The following GVQW3 variants were observed in gnomAD, a reference collection of about 807,000 sequenced individuals.
The protein encoded by GVQW3 is GVQW motif containing 3, also known as protein GVQW3.
GVQW3 carries 7 observed loss-of-function variants against 12.5 expected under a neutral mutation model. The ratio of observed to expected loss-of-function variants is 0.56; its 90% confidence interval spans 0.32 to 1.05. GVQW3 has a LOEUF of 1.05. Ranked by LOEUF, GVQW3 falls within the 50% of genes least tolerant of loss-of-function variation. GVQW3 has a pLI of 0.04. For synonymous variants in GVQW3, 71 were observed against 67.2 expected (o/e 1.06, Z -0.28); for missense variants, 188 against 190.8 (o/e 0.99, Z 0.09).
chr11:76,403,285 C>T (rs1422369710), intron 1 of GVQW3, among the ~76,000 whole-genome samples: 1 of 152,076 alleles, frequency 6.6e-6, no homozygotes, highest in East Asian at 1.9e-4. Flanking sequence ...TCAAGGTTCT[C>T]CAGAGAAACA....
intron 1 of GVQW3, among the ~76,000 whole-genome samples, chr11:76,393,494 T>C (rs1946911913): frequency 6.6e-6 from 1 of 152,208 alleles, no homozygotes. Context: ...GCTTGGAGTT[T>C]GCTGAAAACT....
Position 76,382,029 on chromosome 11 carries a change from C to G in GVQW3, c.201C>G (p.Val67=). Residue 67 remains valine (V), a synonymous_variant, in exon 1 of 2, where the codon GTC becomes GTG. Coordinates refer to ENST00000529331, the MANE Select transcript of GVQW3 (RefSeq NM_001347885.2). ...VRDDARSGRP[V]THRTDDNIQK... ...ATGATGCCCGAAGTGGGCGTCCAGT[C>G]ACCCACCGAACAGATGACAATATCC... is the stretch of plus-strand genomic sequence containing the variant. 6.5e-7 allele frequency: 1 copy of G among 1,536,524 alleles called. No individual in the cohort carries two copies.
At chr11:76,402,234 T>C (rs187385836) in intron 1 of GVQW3, among the ~76,000 whole-genome samples, 13 of 152,268 alleles carry the variant, frequency 8.5e-5, no homozygotes, top group East Asian at 1.9e-4. Flanking sequence ...TTTCTCTTTA[T>C]ATTTTTCAAA....
intron 1 of GVQW3, among the ~76,000 whole-genome samples, chr11:76,398,176 A>G (rs967858422): frequency 2.6e-5 from 4 of 151,858 alleles, no homozygotes; most frequent in Non-Finnish European, 5.9e-5. Flanking sequence ...GACTGTGTGT[A>G]ACAACCAATT....
Position 76,403,999 on chromosome 11 carries a change from C to G in GVQW3, c.*241C>G. 3.0e-6 allele frequency: 2 copies of G among 658,742 alleles called. No homozygotes were observed. Among genetic ancestry groups the G allele is most frequent in the Admixed American group, 4.2e-5 (2 of 47,128 alleles). The allele number at this position is 658,742 out of a possible 1,614,324, so 40.8% of individuals were successfully genotyped here. On this transcript the variant is annotated 3_prime_UTR_variant, in exon 2 of 2. Transcript: ENST00000529331. ...ATTACTCGGTCTACCAATTCAAATG[C>G]TAATCTCTTCCGGAAACATCCCCAC...
At chr11:76,400,610 G>A (rs187646495) in intron 1 of GVQW3, among the ~76,000 whole-genome samples, 291 of 150,842 alleles carry the variant, frequency 1.9e-3, no homozygotes, top group African/African-American at 6.9e-3. Flanking sequence ...TAGTAGAGCC[G>A]GAGTTTCACC....
chr11:76,402,409 TG>T (rs1410538370), intron 1 of GVQW3, among the ~76,000 whole-genome samples: 1 of 151,908 alleles, frequency 6.6e-6, no homozygotes, highest in Admixed American at 6.6e-5. Flanking sequence ...AAAAATTAGC[TG>T]GGTGTGGTGG....
intron 1 of GVQW3, among the ~76,000 whole-genome samples, chr11:76,397,177 T>A (rs1351298077): frequency 6.6e-6 from 1 of 152,066 alleles, no homozygotes; most frequent in Non-Finnish European, 1.5e-5. Flanking sequence ...CTAATTTTTG[T>A]ATTTTTAGTA....
chr11:76,382,730 T>C (rs1195008998), intron 1 of GVQW3: 6 of 362,676 alleles, frequency 1.7e-5, no homozygotes, highest in Non-Finnish European at 2.5e-5. Flanking sequence ...CTTAGCTTGT[T>C]GTGGCTGTCC....
intron 1 of GVQW3, among the ~76,000 whole-genome samples, chr11:76,387,509 T>C (rs969489799): frequency 2.0e-5 from 3 of 152,206 alleles, no homozygotes; most frequent in Non-Finnish European, 4.4e-5. Flanking sequence ...CGGCTATAGT[T>C]TGATATAACC....
rs531317821 is a variant in GVQW3, at chr11:76,406,035, C to T, written c.*2277C>T. On this transcript the variant is annotated 3_prime_UTR_variant, in exon 2 of 2. Transcript: ENST00000529331. ...TCACCGAGGCTACAGTGCAGTGGTTCAATCGCAGCTCACTGTAGCCTCTAT... is the reference window on the plus strand; with the variant it reads ...TCACCGAGGCTACAGTGCAGTGGTTTAATCGCAGCTCACTGTAGCCTCTAT... 1 of 151,302 alleles carries T rather than the reference C, an allele frequency of 6.6e-6. No individual in the cohort carries two copies. The highest frequency in any genetic ancestry group is 2.4e-5 in the African/African-American group (1 of 41,142). The allele number at this position is 151,302 out of a possible 1,614,324, so 9.4% of individuals were successfully genotyped here.
chr11:76,401,515 T>A (rs892975702), intron 1 of GVQW3, among the ~76,000 whole-genome samples: 1 of 152,080 alleles, frequency 6.6e-6, no homozygotes, highest in Non-Finnish European at 1.5e-5. Flanking sequence ...GGCTCACGCC[T>A]GTAGTCCCAG....
downstream of GVQW3, among the ~76,000 whole-genome samples, chr11:76,409,992 C>T (rs1257174885): frequency 6.6e-6 from 1 of 152,160 alleles, no homozygotes; most frequent in Non-Finnish European, 1.5e-5. Context: ...CTCAGTGGCT[C>T]ATGCCTGTAA....
chr11:76,390,659 T>TA (rs57242107), intron 1 of GVQW3, among the ~76,000 whole-genome samples: 4,986 of 151,914 alleles, frequency 0.033, 266 homozygotes, highest in African/African-American at 0.11. Flanking sequence ...CCGTCTCTAC[T>TA]AAAAAAATAC....
At position 76,382,062 on chromosome 11, in the gene GVQW3, C is replaced by G; in HGVS notation, c.234C>G (p.Val78=). ...THRTDDNIQK[V]KDLVCSNRQL... ...GAACAGATGACAATATCCAGAAGGTCAAGGACTTGGTTTGTTCAAACAGGC... is the reference window on the plus strand; with the variant it reads ...GAACAGATGACAATATCCAGAAGGTGAAGGACTTGGTTTGTTCAAACAGGC... Residue 78 remains valine (V), a synonymous_variant, in exon 1 of 2, where the codon GTC becomes GTG. Transcript: ENST00000529331. 6.5e-7 allele frequency: 1 copy of G among 1,536,552 alleles called. No individual in the cohort carries two copies. Among genetic ancestry groups the G allele is most frequent in the Non-Finnish European group, 8.7e-7 (1 of 1,146,994 alleles).
chr11:76,401,469 C>T (rs950240157), intron 1 of GVQW3, among the ~76,000 whole-genome samples: 1 of 151,940 alleles, frequency 6.6e-6, no homozygotes, highest in Non-Finnish European at 1.5e-5. Flanking sequence ...ATGATCTGGA[C>T]CAATTTTTCT....
At chr11:76,385,774 G>A (rs1164245693) in intron 1 of GVQW3, among the ~76,000 whole-genome samples, 1 of 152,150 alleles carries the variant, frequency 6.6e-6, no homozygotes, top group Non-Finnish European at 1.5e-5. Flanking sequence ...GGGGAATTAT[G>A]TGTTGATTTT....
Position 76,382,021 on chromosome 11 carries a change from C to T in GVQW3, c.193C>T (p.Arg65Cys), listed in dbSNP as rs1334354673. ...TGTTCGAGATGATGCCCGAAGTGGG[C>T]GTCCAGTCACCCACCGAACAGATGA... ...EDVRDDARSG[R>C]PVTHRTDDNI... The change falls in exon 1 of 2, where the codon CGT becomes TGT. Residue 65 changes from arginine (R) to cysteine (C), a missense_variant. By Grantham distance (180) the Arg-to-Cys change is radical (BLOSUM62 -3). Coordinates refer to ENST00000529331, the MANE Select transcript of GVQW3 (RefSeq NM_001347885.2). 13 of 1,536,284 alleles carry T rather than the reference C, an allele frequency of 8.5e-6. No individual in the cohort carries two copies. The highest frequency in any genetic ancestry group is 1.1e-5 in the Non-Finnish European group (13 of 1,146,972).
intron 1 of GVQW3, among the ~76,000 whole-genome samples, chr11:76,401,579 G>T (rs1020888037): frequency 6.6e-6 from 1 of 152,050 alleles, no homozygotes; most frequent in East Asian, 1.9e-4. Flanking sequence ...TTTGAGACCA[G>T]CCTGGCCAAA....
Sources: allele counts gnomAD v4.1 joint callset (sites outside exome capture counted in the v4.1 genomes callset), GRCh38; gene constraint gnomAD v4.1.1; transcripts MANE v1.5; gene names NCBI Gene and HGNC (gene_info 2026-07-23, HGNC 2026-07-21).